REV1: variants seen among roughly 807,000 people sequenced by gnomAD.
The protein encoded by REV1 is translesion synthesis protein REV1.
In REV1, 42 loss-of-function variants were observed where a neutral mutation model predicts 137.4. The ratio of observed to expected loss-of-function variants is 0.31; its 90% CI spans 0.24 to 0.40. REV1 has a LOEUF of 0.40. REV1 is among the 10% of genes least tolerant of loss of function. The pLI is 1.00. For synonymous variants in REV1, 524 were observed against 519.2 expected, an observed-to-expected ratio of 1.01 and a Z score of -0.12; for missense variants, 1,282 against 1,490.1, an observed-to-expected ratio of 0.86 and a Z score of 2.30.
intron 22 of REV1, 136 bp downstream of exon 22, chr2:99,402,108 T>C (rs993751343): frequency 3.6e-6 from 2 of 549,452 alleles, no homozygotes; most frequent in Non-Finnish European, 6.5e-6. Flanking sequence ...TTAGTCAACA[T>C]GGCAAAATAA....
At chr2:99,436,230 C>CT (rs970244415) in intron 6 of REV1, among the ~76,000 whole-genome samples, 1 of 152,150 alleles carries the variant, frequency 6.6e-6, no homozygotes, top group Non-Finnish European at 1.5e-5. Flanking sequence ...CTAAGTAAAA[C>CT]TTTTTTTGAT....
rs188446271 is a variant in REV1, at chr2:99,414,302, A to T, written c.1952-1351T>A. Among the ~76,000 whole-genome samples the T allele has an allele frequency of 2.3e-3, 350 of 152,360 alleles. 4 individuals are homozygous for T. The highest frequency in any genetic ancestry group is 8.2e-3 in the African/African-American group (341 of 41,572). ...GTATATAACACAAGGTTAGGAAGTC[A>T]TCAATGTGGGTCAGACAAGTTTAAA... On this transcript the variant is annotated intron_variant, in intron 12 of 22. Transcript: ENST00000258428.
At position 99,405,965 on chromosome 2, in the gene REV1, G is replaced by A; in HGVS notation, c.2756C>T (p.Pro919Leu). 1.9e-6 allele frequency: 3 copies of A among 1,613,194 alleles called. No homozygotes were observed. Among genetic ancestry groups the A allele is most frequent in the Non-Finnish European group, 2.5e-6 (3 of 1,179,560 alleles). The change falls in exon 17 of 23, where the codon CCT (proline) becomes CTT (leucine). Residue 919 changes from proline (P) to leucine (L), a missense_variant. Physicochemically the swap from Pro to Leu is moderately conservative, Grantham distance 98. Transcript: ENST00000258428. ...GTTAAGTCTCGACTGCACACTGACAGGAGTATGTAGACCATTCCATTTCCC... is the reference window on the plus strand; with the variant it reads ...GTTAAGTCTCGACTGCACACTGACAAGAGTATGTAGACCATTCCATTTCCC... ...SSGKWNGLHT[P>L]VSVQSRLNLS...
intron 17 of REV1, 71 bp from the exon 18 acceptor site, chr2:99,404,748 G>A (rs1338951525): frequency 8.8e-6 from 9 of 1,019,260 alleles, no homozygotes; most frequent in East Asian, 7.2e-5. Context: ...GAGTTAACAC[G>A]CCACTTTAAA....
At position 99,402,918 on chromosome 2, in the gene REV1, G is replaced by A. The variant is rs760379547; in HGVS notation, c.3355C>T (p.His1119Tyr). ...GGTTTCTCTGCAGGAGGTCCTTCAT[G>A]TTTTAGAAACCCATCAATTAACTTC... ...PQKLIDGFLKHEGPPAEKPLE... is the reference protein window; with the variant it reads ...PQKLIDGFLKYEGPPAEKPLE... The change falls in exon 20 of 23, where the codon CAT becomes TAT. Residue 1119 changes from histidine to tyrosine, a missense_variant. Physicochemically the swap from His to Tyr is moderately conservative, Grantham distance 83. Transcript: ENST00000258428. 9.9e-6 allele frequency: 16 copies of A among 1,614,014 alleles called. No individual in the cohort carries two copies. The South Asian group carries it at 1.6e-4, about 17-fold the overall frequency.
intron 1 of REV1, among the ~76,000 whole-genome samples, chr2:99,484,166 C>T (rs1686908370): frequency 6.6e-6 from 1 of 152,000 alleles, no homozygotes; most frequent in African/African-American, 2.4e-5. Flanking sequence ...CAAGTGGCAG[C>T]CAAATGATGA....
intron 1 of REV1, among the ~76,000 whole-genome samples, chr2:99,469,917 C>A (rs996032520): frequency 2.0e-5 from 3 of 151,844 alleles, no homozygotes; most frequent in Admixed American, 2.0e-4. Flanking sequence ...GTCAGGAGAT[C>A]GAGACCATAC....
At chr2:99,461,021 C>CCTAT (rs3071414) in intron 3 of REV1, among the ~76,000 whole-genome samples, 91,609 of 151,376 alleles carry the variant, frequency 0.61, 28,343 homozygotes, top group African/African-American at 0.71. Flanking sequence ...AGAAGCAATG[C>CCTAT]CTGTTTTCAT....
At chr2:99,447,382 G>T (rs7572779) in intron 4 of REV1, among the ~76,000 whole-genome samples, 1 of 151,932 alleles carries the variant, frequency 6.6e-6, no homozygotes, top group Admixed American at 6.6e-5. Flanking sequence ...AAGTTGGCCA[G>T]GATGTTCTCG....
chr2:99,435,870 C>T lies in REV1; in HGVS notation c.1285G>A (p.Val429Ile). Residue 429 changes from valine to isoleucine, a missense_variant, in exon 7 of 23, where the codon GTA (valine) becomes ATA (isoleucine). Val to Ile is a conservative substitution (Grantham distance 29, BLOSUM62 3). Coordinates refer to ENST00000258428, the MANE Select transcript of REV1 (RefSeq NM_016316.4). ...IMHVDMDCFFVSVGIRNRPDL... is the reference protein window; with the variant it reads ...IMHVDMDCFFISVGIRNRPDL... ...GGTCTATTTCGTATACCCACTGATA[C>T]AAAGAAGCAATCCATATCAACATGC... is the stretch of plus-strand genomic sequence containing the variant. 4 of 1,607,300 alleles carry T rather than the reference C, an allele frequency of 2.5e-6. No homozygotes were observed. The highest frequency in any genetic ancestry group is 3.4e-6 in the Non-Finnish European group (4 of 1,174,766).
At chr2:99,444,060 T>C (rs1251932284) in intron 4 of REV1, among the ~76,000 whole-genome samples, 2 of 152,142 alleles carry the variant, frequency 1.3e-5, no homozygotes, top group Non-Finnish European at 2.9e-5. Flanking sequence ...GACCTCGTGA[T>C]CCACCCGCCT....
chr2:99,405,715 A>G, intron 17 of REV1, 195 bp downstream of exon 17: 1 of 417,050 alleles, frequency 2.4e-6, no homozygotes, highest in Non-Finnish European at 4.2e-6. Context: ...ATCTTTGCAA[A>G]AGCACTTTCA....
chr2:99,483,439 A>G (rs1287494921), intron 1 of REV1, among the ~76,000 whole-genome samples: 1 of 152,212 alleles, frequency 6.6e-6, no homozygotes, highest in East Asian at 1.9e-4. Context: ...TTAATAGGCT[A>G]TGAGTTTGAA....
intron 9 of REV1, 107 bp downstream of exon 9, chr2:99,429,733 C>G (rs928769695): frequency 3.5e-6 from 2 of 577,986 alleles, no homozygotes; most frequent in Non-Finnish European, 5.2e-6. Flanking sequence ...CCTCATAACA[C>G]GTCTGTAACA....
chr2:99,476,444 T>A (rs1212134999), intron 1 of REV1, among the ~76,000 whole-genome samples: 1 of 152,024 alleles, frequency 6.6e-6, no homozygotes, highest in East Asian at 1.9e-4. Context: ...TAATCCCAGC[T>A]ACTCAGGAAG....
intron 3 of REV1, among the ~76,000 whole-genome samples, chr2:99,456,308 C>G (rs1299401803): frequency 1.3e-5 from 2 of 152,208 alleles, no homozygotes; most frequent in Admixed American, 6.5e-5. Flanking sequence ...GAACAAGACT[C>G]AAGTCTGTGC....
intron 1 of REV1, among the ~76,000 whole-genome samples, chr2:99,487,017 G>A (rs1436460827): frequency 6.6e-6 from 1 of 152,134 alleles, no homozygotes; most frequent in East Asian, 1.9e-4. Flanking sequence ...TCCTATTTTA[G>A]AATTAGAAAA....
intron 9 of REV1, among the ~76,000 whole-genome samples, chr2:99,425,702 A>G (rs1389732036): frequency 6.6e-6 from 1 of 152,240 alleles, no homozygotes; most frequent in Non-Finnish European, 1.5e-5. Flanking sequence ...TCAGCATGTA[A>G]AAGCTGAGTT....
intron 1 of REV1, among the ~76,000 whole-genome samples, chr2:99,470,503 C>A (rs1300963533): frequency 6.6e-6 from 1 of 152,180 alleles, no homozygotes; most frequent in Admixed American, 6.5e-5. Flanking sequence ...ATAAAGAAAT[C>A]AATGTACTTT....
Sources: gnomAD v4.1 joint callset for allele counts (sites outside exome capture counted in the v4.1 genomes callset) on GRCh38, gnomAD v4.1.1 for gene constraint, MANE v1.5 for transcripts, NCBI Gene and HGNC (gene_info 2026-07-23, HGNC 2026-07-21) for gene names.